Variants in PRKN observed in about 807,000 individuals in gnomAD.
PRKN encodes the protein E3 ubiquitin-protein ligase parkin.
Under a neutral mutation model 59.5 loss-of-function variants are expected in PRKN, and 56 were observed. That is an observed-to-expected ratio of 0.94 (90% CI 0.76 to 1.18). The LOEUF (loss-of-function observed/expected upper bound fraction) is 1.18, where lower values mean the gene tolerates loss of function less well. PRKN is among the 50% of genes most tolerant of loss of function. The pLI is 0.00. For missense variants in PRKN, 657 were observed against 596.4 expected, an observed-to-expected ratio of 1.10 and a Z score of -1.06; for synonymous variants, 250 against 222.1, an observed-to-expected ratio of 1.13 and a Z score of -1.12.
intron 7 of PRKN, among the ~76,000 whole-genome samples, chr6:161,571,703 G>A (rs1022424093): frequency 6.6e-6 from 1 of 152,192 alleles, no homozygotes; most frequent in Non-Finnish European, 1.5e-5. Flanking sequence ...ATTGGGCTAA[G>A]GGGTGCCCAG....
At chr6:161,679,526 G>C (rs887715642) in intron 7 of PRKN, among the ~76,000 whole-genome samples, 8 of 149,512 alleles carry the variant, frequency 5.4e-5, no homozygotes, top group African/African-American at 1.2e-4. Flanking sequence ...TCCCGCTTGG[G>C]CTCTTTCTTG....
chr6:161,497,657 C>T lies in PRKN; in HGVS notation c.1083+51197G>A, dbSNP rs913107928. Among the ~76,000 whole-genome samples the T allele has an allele frequency of 3.3e-5, 5 of 152,080 alleles. No individual in the cohort carries two copies. Among genetic ancestry groups the T allele is most frequent in the African/African-American group, 7.2e-5 (3 of 41,406 alleles). On this transcript the variant is annotated intron_variant, in intron 9 of 11. Transcript: ENST00000366898. This position sits in a 1 kb window ranked among gnomAD's most constrained non-coding sequence, Gnocchi z 4.6. ...ACAAAGTATTTTCAGCTGCTCTTCT[C>T]GCTCCTTTCCCTTTCAATTCAGAAG...
chr6:162,007,455 G>C (rs1782300696), intron 5 of PRKN, among the ~76,000 whole-genome samples: 1 of 152,140 alleles, frequency 6.6e-6, no homozygotes, highest in Non-Finnish European at 1.5e-5. Context: ...CATGTTTCTT[G>C]AGCTAGGGAT....
At chr6:162,114,818 C>A (rs111688558) in intron 4 of PRKN, among the ~76,000 whole-genome samples, 1 of 151,722 alleles carries the variant, frequency 6.6e-6, no homozygotes, top group Non-Finnish European at 1.5e-5. Flanking sequence ...CCAGTTAGAA[C>A]GGCAATCATT....
chr6:162,457,633 A>T (rs955087163), intron 1 of PRKN, among the ~76,000 whole-genome samples: 1 of 151,978 alleles, frequency 6.6e-6, no homozygotes, highest in Non-Finnish European at 1.5e-5. Context: ...ACAAAATCCC[A>T]AACTTAAGAG....
rs1158316250 is a variant in PRKN, at chr6:161,581,270, A to G, written c.872-11854T>C. On this transcript the variant is annotated intron_variant, in intron 7 of 11. Transcript: ENST00000366898. The surrounding 1 kb of genome is among the most constrained non-coding windows in gnomAD (Gnocchi z 4.5). ...TATTTTAAGAACTTTCATAGGCATG[A>G]GTAAAGCTACTGCAGTGAAAGAACC... Among the ~76,000 whole-genome samples the G allele has an allele frequency of 2.6e-5, 4 of 152,036 alleles. No individual in the cohort carries two copies. The highest frequency in any genetic ancestry group is 5.9e-5 in the Non-Finnish European group (4 of 68,022).
chr6:162,053,374 G>C (rs1777726962), intron 5 of PRKN, among the ~76,000 whole-genome samples: 1 of 152,142 alleles, frequency 6.6e-6, no homozygotes, highest in Non-Finnish European at 1.5e-5. Flanking sequence ...TTACAACTCA[G>C]GAAATGTATA....
Position 161,483,190 on chromosome 6 carries a change from A to G in PRKN, c.1083+65664T>C, listed in dbSNP as rs952585568. 4.8e-5 allele frequency among the ~76,000 whole-genome samples: 7 copies of G among 145,696 alleles called. No individual in the cohort carries two copies. Among genetic ancestry groups the G allele is most frequent in the Non-Finnish European group, 1.1e-4 (7 of 65,152 alleles). ...ATTGTGTTTCAAAAAAAAAAAAAAA[A>G]ACATGCATTGTTAATGAGACTTCGC... On this transcript the variant is annotated intron_variant, in intron 9 of 11. Coordinates refer to ENST00000366898, the MANE Select transcript of PRKN (RefSeq NM_004562.3). This position sits in a 1 kb window ranked among gnomAD's most constrained non-coding sequence, Gnocchi z 5.0.
chr6:161,773,486 C>G (rs1474682107), intron 7 of PRKN, among the ~76,000 whole-genome samples: 1 of 152,104 alleles, frequency 6.6e-6, no homozygotes, highest in Non-Finnish European at 1.5e-5. Flanking sequence ...ACCCATCCAT[C>G]CATTCATCTA....
intron 1 of PRKN, among the ~76,000 whole-genome samples, chr6:162,580,210 G>A (rs1285825005): frequency 6.6e-6 from 1 of 152,154 alleles, no homozygotes; most frequent in Non-Finnish European, 1.5e-5. Context: ...GCTGAGGCAA[G>A]CAGACGGCTT....
At chr6:161,764,166 T>C (rs1292824021) in intron 7 of PRKN, among the ~76,000 whole-genome samples, 1 of 152,230 alleles carries the variant, frequency 6.6e-6, no homozygotes, top group Non-Finnish European at 1.5e-5. Context: ...TGTTCCTTTC[T>C]TCCCCTGTCC....
At chr6:162,368,264 A>G (rs1785558829) in intron 2 of PRKN, among the ~76,000 whole-genome samples, 1 of 152,148 alleles carries the variant, frequency 6.6e-6, no homozygotes, top group African/African-American at 2.4e-5. Context: ...TGAGGGGTCA[A>G]AACCGGGCTT....
rs1310619662 is a variant in PRKN, at chr6:161,376,305, C to A, written c.1167+10489G>T. Among the ~76,000 whole-genome samples the A allele has an allele frequency of 6.6e-6, 1 of 152,116 alleles. No individual in the cohort carries two copies. The highest frequency in any genetic ancestry group is 1.5e-5 in the Non-Finnish European group (1 of 68,026). On this transcript the variant is annotated intron_variant, in intron 10 of 11. Coordinates refer to ENST00000366898, the MANE Select transcript of PRKN (RefSeq NM_004562.3). This position sits in a 1 kb window ranked among gnomAD's most constrained non-coding sequence, Gnocchi z 7.3. ...AGCCTGGATTCTCCTCTGAGGTGGT[C>A]TAGGCATCCACTCCTTTCCCCACTG...
intron 4 of PRKN, among the ~76,000 whole-genome samples, chr6:162,082,332 G>C (rs921364595): frequency 1.6e-4 from 25 of 152,020 alleles, no homozygotes. Flanking sequence ...AACTGTAAGT[G>C]CATTCAACCT....
intron 9 of PRKN, among the ~76,000 whole-genome samples, chr6:161,521,974 G>A (rs1325438160): frequency 1.3e-5 from 2 of 152,152 alleles, no homozygotes; most frequent in Non-Finnish European, 2.9e-5. Context: ...GCAAACTGAG[G>A]ATCTTGAATT....
intron 3 of PRKN, among the ~76,000 whole-genome samples, chr6:162,222,491 A>G (rs968439626): frequency 6.6e-5 from 10 of 152,302 alleles, no homozygotes; most frequent in African/African-American, 2.4e-4. Context: ...GCTGAAAGCA[A>G]CCATGGCTGA....
chr6:162,272,236 T>A (rs1188520976), intron 2 of PRKN, among the ~76,000 whole-genome samples: 1 of 152,192 alleles, frequency 6.6e-6, no homozygotes, highest in South Asian at 2.1e-4. Context: ...ATTTCACTTC[T>A]CTGGGTTCCC....
chr6:162,533,988 A>AG (rs1778616655), intron 1 of PRKN, among the ~76,000 whole-genome samples: 1 of 143,678 alleles, frequency 7.0e-6, no homozygotes. Context: ...AAAAAAAAAA[A>AG]GAGATATGAA....
intron 1 of PRKN, among the ~76,000 whole-genome samples, chr6:162,528,381 A>G (rs1468637983): frequency 1.3e-5 from 2 of 152,078 alleles, no homozygotes; most frequent in Non-Finnish European, 2.9e-5. Context: ...AGGACTCAAG[A>G]CAAGTTATAA....
Sources: allele counts gnomAD v4.1 joint callset (sites outside exome capture counted in the v4.1 genomes callset), GRCh38; gene constraint gnomAD v4.1.1; non-coding constraint Gnocchi (gnomAD v3.1); transcripts MANE v1.5; gene names NCBI Gene and HGNC (gene_info 2026-07-23, HGNC 2026-07-21).